The following PTPRM variants were observed in gnomAD, a reference collection of about 807,000 sequenced individuals.
The protein encoded by PTPRM is receptor-type tyrosine-protein phosphatase mu.
In PTPRM, 47 loss-of-function variants were observed where a neutral mutation model predicts 186.7. The observed-to-expected ratio is 0.25, with a 90% CI of 0.20 to 0.32. The LOEUF is 0.32. PTPRM is among the 10% of genes least tolerant of loss of function. The probability of loss-of-function intolerance (pLI) is 1.00; values close to 1 mark genes in which losing one functional copy is unlikely to be tolerated. For synonymous variants in PTPRM, 668 were observed against 674.9 expected, an observed-to-expected ratio of 0.99 and a Z score of 0.16; for missense variants, 1,494 against 1,865.0, an observed-to-expected ratio of 0.80 and a Z score of 3.66.
At position 8,146,025 on chromosome 18, in the gene PTPRM, C is replaced by CTTT. The variant is rs33980345; in HGVS notation, c.2300+2262_2300+2264dup. 6.4e-5 allele frequency among the ~76,000 whole-genome samples: 7 copies of CTTT among 109,882 alleles called. 1 individual carries two copies. The highest frequency in any genetic ancestry group is 1.1e-4 in the Non-Finnish European group (6 of 52,680). 72.1% of individuals were successfully genotyped at this position (109,882 alleles called of 152,430 possible). A position where few individuals can be genotyped will look rare whatever the true frequency, so the allele number is the denominator to read the frequency against. ...TCCTGACTTTTTATTTCTTTCTTTT[C>CTTT]TTTTTTTTTTTTTTTTTTGAGATGG... is the stretch of plus-strand genomic sequence containing the variant. On this transcript the variant is annotated intron_variant, in intron 14 of 32. Coordinates refer to ENST00000580170, the MANE Select transcript of PTPRM (RefSeq NM_001105244.2).
intron 22 of PTPRM, among the ~76,000 whole-genome samples, chr18:8,335,328 C>T (rs537762195): frequency 4.6e-5 from 7 of 150,948 alleles, no homozygotes; most frequent in African/African-American, 9.7e-5. Flanking sequence ...CCTGCTACTG[C>T]GTCGCCAGTC....
chr18:7,817,996 C>G (rs992316102), intron 2 of PTPRM, among the ~76,000 whole-genome samples: 1 of 152,150 alleles, frequency 6.6e-6, no homozygotes, highest in Non-Finnish European at 1.5e-5. Flanking sequence ...TGGTGTCTGT[C>G]CTTAACCTCA....
At position 7,840,292 on chromosome 18, in the gene PTPRM, C is replaced by A. The variant is rs1430349466; in HGVS notation, c.197-47814C>A. Among the ~76,000 whole-genome samples, 7 of 152,166 alleles carry A rather than the reference C, an allele frequency of 4.6e-5. No individual in the cohort carries two copies. The East Asian group carries it at 1.2e-3, about 25-fold the overall frequency. On this transcript the variant is annotated intron_variant, in intron 2 of 32. Coordinates refer to ENST00000580170, the MANE Select transcript of PTPRM (RefSeq NM_001105244.2). ...TTGCAGGAAAGACCATCCTTCTCTG[C>A]CCCCTGTCTGAGTTTTAAATTTTAT...
intron 11 of PTPRM, among the ~76,000 whole-genome samples, chr18:8,104,115 G>A (rs977856956): frequency 1.3e-5 from 2 of 152,220 alleles, no homozygotes; most frequent in African/African-American, 4.8e-5. Flanking sequence ...AATGTTGCAG[G>A]AATTACCAAA....
chr18:7,919,473 T>C (rs1343561572), intron 4 of PTPRM, among the ~76,000 whole-genome samples: 1 of 152,172 alleles, frequency 6.6e-6, no homozygotes, highest in Admixed American at 6.5e-5. Context: ...TTTCTTCGAT[T>C]GGTTGTTCAC....
chr18:7,974,537 G>T (rs1294093191), intron 7 of PTPRM, among the ~76,000 whole-genome samples: 1 of 152,188 alleles, frequency 6.6e-6, no homozygotes, highest in Admixed American at 6.5e-5. Flanking sequence ...GGCTAACAAT[G>T]AGGAAATTTA....
chr18:7,947,142 G>A (rs1342968525), intron 5 of PTPRM, among the ~76,000 whole-genome samples: 1 of 152,202 alleles, frequency 6.6e-6, no homozygotes, highest in East Asian at 1.9e-4. Flanking sequence ...CAGTAATAAA[G>A]GTGGTACTTT....
chr18:7,930,836 G>A (rs9949799), intron 5 of PTPRM, among the ~76,000 whole-genome samples: 9,611 of 151,954 alleles, frequency 0.063, 757 homozygotes, highest in African/African-American at 0.19. Flanking sequence ...ATAACGTAAC[G>A]TAAATAAATC....
chr18:8,401,410 G>A (rs1434494092), intron 32 of PTPRM, among the ~76,000 whole-genome samples: 1 of 152,208 alleles, frequency 6.6e-6, no homozygotes, highest in African/African-American at 2.4e-5. Flanking sequence ...GCACAGAGTG[G>A]CTGGCCACAA....
At chr18:8,104,280 C>T (rs908923824) in intron 11 of PTPRM, among the ~76,000 whole-genome samples, 2 of 152,108 alleles carry the variant, frequency 1.3e-5, no homozygotes, top group African/African-American at 4.8e-5. Flanking sequence ...GCTGGGTACG[C>T]CTTTATTAAG....
chr18:8,137,939 G>A (rs2092675886), intron 13 of PTPRM, among the ~76,000 whole-genome samples: 1 of 152,124 alleles, frequency 6.6e-6, no homozygotes, highest in African/African-American at 2.4e-5. Flanking sequence ...TGAAGGAAGA[G>A]GCACATACTC....
At chr18:8,034,368 G>C (rs184104908) in intron 7 of PTPRM, among the ~76,000 whole-genome samples, 50 of 152,074 alleles carry the variant, frequency 3.3e-4, no homozygotes, top group Non-Finnish European at 5.4e-4. Context: ...AAAGTACCAA[G>C]TTTCATCATC....
At chr18:8,314,902 A>T in intron 21 of PTPRM, 45 bp downstream of exon 21, 3 of 1,286,958 alleles carry the variant, frequency 2.3e-6, no homozygotes, top group Non-Finnish European at 3.3e-6. Flanking sequence ...TGTTGTACAT[A>T]TTTGGGTGCT....
intron 7 of PTPRM, among the ~76,000 whole-genome samples, chr18:7,984,930 A>C (rs1276563750): frequency 1.7e-4 from 17 of 98,650 alleles, no homozygotes; most frequent in Admixed American, 3.6e-4. Flanking sequence ...TACATATATA[A>C]ATATATACAT....
chr18:7,853,729 C>A (rs772762788), intron 2 of PTPRM, among the ~76,000 whole-genome samples: 9 of 152,268 alleles, frequency 5.9e-5, no homozygotes, highest in Admixed American at 1.3e-4. Flanking sequence ...ACAACCTATT[C>A]TTGAAAGAGC....
intron 3 of PTPRM, among the ~76,000 whole-genome samples, chr18:7,902,592 G>A (rs1278610679): frequency 6.6e-6 from 1 of 152,096 alleles, no homozygotes; most frequent in African/African-American, 2.4e-5. Context: ...TTGCTATCTT[G>A]TTCTATTCTT....
intron 1 of PTPRM, among the ~76,000 whole-genome samples, chr18:7,586,713 C>G (rs768876620): frequency 6.6e-5 from 10 of 152,138 alleles, no homozygotes; most frequent in Non-Finnish European, 1.2e-4. Context: ...AAATACTAGG[C>G]ATTCCTTGCA....
At chr18:7,839,467 G>A (rs1335990536) in intron 2 of PTPRM, among the ~76,000 whole-genome samples, 1 of 152,198 alleles carries the variant, frequency 6.6e-6, no homozygotes, top group Non-Finnish European at 1.5e-5. Flanking sequence ...GGCCCAGGGT[G>A]TGTCTAGCAA....
chr18:7,816,570 T>C (rs1434489273), intron 2 of PTPRM, among the ~76,000 whole-genome samples: 1 of 152,224 alleles, frequency 6.6e-6, no homozygotes, highest in East Asian at 1.9e-4. Context: ...ATTTTTTTAA[T>C]ATTAAATCAT....
Sources: gnomAD v4.1 joint callset for allele counts (sites outside exome capture counted in the v4.1 genomes callset) on GRCh38, gnomAD v4.1.1 for gene constraint, MANE v1.5 for transcripts, NCBI Gene and HGNC (gene_info 2026-07-23, HGNC 2026-07-21) for gene names.